Variants in ADAMTSL1 observed in about 807,000 individuals in gnomAD.
ADAMTSL1 encodes ADAMTS like 1, also known as ADAMTS-like protein 1.
ADAMTSL1 carries 126 observed loss-of-function variants against 201.8 expected under a neutral mutation model. The observed-to-expected ratio is 0.62, with a 90% CI of 0.54 to 0.72. The LOEUF (loss-of-function observed/expected upper bound fraction) is 0.72, where lower values mean the gene tolerates loss of function less well. Ranked by LOEUF, ADAMTSL1 falls within the 30% of genes least tolerant of loss-of-function variation. ADAMTSL1 has a pLI of 0.00. For synonymous variants in ADAMTSL1, 1,121 were observed against 903.4 expected, an observed-to-expected ratio of 1.24 and a Z score of -4.32; for missense variants, 2,679 against 2,277.8, an observed-to-expected ratio of 1.18 and a Z score of -3.59.
rs981515746 is a variant in ADAMTSL1, at chr9:18,210,603, A to T, written c.207+46622A>T. On this transcript the variant is annotated intron_variant, in intron 2 of 29. Coordinates refer to the ADAMTSL1 transcript ENST00000680146. ...AAAAATTATTAATATTCCTATGACAATAATCATTGCATATTCACCAAGATT... is the reference window on the plus strand; with the variant it reads ...AAAAATTATTAATATTCCTATGACATTAATCATTGCATATTCACCAAGATT... Among the ~76,000 whole-genome samples the T allele has an allele frequency of 3.3e-5, 5 of 151,000 alleles. No individual in the cohort carries two copies. The East Asian group carries it at 7.7e-4, about 23-fold the overall frequency.
chr9:18,713,529 A>C (rs1230178813), intron 14 of ADAMTSL1, among the ~76,000 whole-genome samples: 3 of 152,022 alleles, frequency 2.0e-5, no homozygotes, highest in African/African-American at 4.8e-5. Context: ...TAAAGGGATC[A>C]ATTCAACAAG....
chr9:18,162,646 C>A (rs565917267), intron 1 of ADAMTSL1, among the ~76,000 whole-genome samples: 3 of 151,672 alleles, frequency 2.0e-5, no homozygotes, highest in African/African-American at 4.8e-5. Context: ...AAAAGACATA[C>A]GGTTTAAAAT....
chr9:18,906,794 G>A lies in ADAMTSL1; in HGVS notation c.5064G>A (p.Gln1688=). 1 of 1,614,032 alleles carries A rather than the reference G, an allele frequency of 6.2e-7. No individual in the cohort carries two copies. Among genetic ancestry groups the A allele is most frequent in the African/African-American group, 1.3e-5 (1 of 75,054 alleles). The change falls in exon 28 of 29, where the codon CAG becomes CAA. Residue 1688 remains glutamine (Q), a synonymous_variant. Transcript: ENST00000380548. ...CTATCGNYGF[Q]SRRVECVHAR... Reference sequence around the variant, plus strand: ...CTACCTGTGGCAACTACGGCTTCCAGTCCCGGCGTGTGGAGTGTGTGCATG... The same window carrying A: ...CTACCTGTGGCAACTACGGCTTCCAATCCCGGCGTGTGGAGTGTGTGCATG...
At chr9:17,934,230 T>C (rs1251356670) in intron 1 of ADAMTSL1, among the ~76,000 whole-genome samples, 1 of 152,118 alleles carries the variant, frequency 6.6e-6, no homozygotes, top group African/African-American at 2.4e-5. Flanking sequence ...AACAATAAGG[T>C]AATTCCCCCA....
chr9:18,010,089 G>A (rs1040147960), intron 1 of ADAMTSL1, among the ~76,000 whole-genome samples: 3 of 151,934 alleles, frequency 2.0e-5, no homozygotes, highest in Non-Finnish European at 4.4e-5. Flanking sequence ...TTACCCATGG[G>A]GGCAGTCTAG....
At chr9:18,099,355 AT>A (rs397893715) in intron 1 of ADAMTSL1, among the ~76,000 whole-genome samples, 2,198 of 45,344 alleles carry the variant, frequency 0.048, 102 homozygotes, top group Middle Eastern at 0.15. Context: ...ATATATATAT[AT>A]TTTTTTTTTT....
At chr9:18,410,573 G>A (rs1311830577) in intron 2 of ADAMTSL1, among the ~76,000 whole-genome samples, 2 of 152,112 alleles carry the variant, frequency 1.3e-5, no homozygotes, top group Admixed American at 6.5e-5. Flanking sequence ...TTTTATGGCT[G>A]CATAGTATTA....
intron 15 of ADAMTSL1, among the ~76,000 whole-genome samples, chr9:18,751,651 C>G (rs965784214): frequency 6.6e-6 from 1 of 152,182 alleles, no homozygotes; most frequent in Non-Finnish European, 1.5e-5. Context: ...GGCCCTACAT[C>G]AGGAGGTATA....
chr9:18,063,018 A>G (rs1016861069), intron 1 of ADAMTSL1, among the ~76,000 whole-genome samples: 1 of 152,272 alleles, frequency 6.6e-6, no homozygotes, highest in East Asian at 1.9e-4. Context: ...TTCCTATTCC[A>G]TAAGTTTTCA....
chr9:18,106,059 G>A (rs1349007463), intron 1 of ADAMTSL1, among the ~76,000 whole-genome samples: 9 of 152,200 alleles, frequency 5.9e-5, no homozygotes, highest in East Asian at 3.9e-4. Flanking sequence ...ACCTCCTTTC[G>A]TCCCTGGGAG....
chr9:18,499,817 C>T (rs999663369), intron 1 of ADAMTSL1, among the ~76,000 whole-genome samples: 4 of 152,224 alleles, frequency 2.6e-5, no homozygotes, highest in Admixed American at 2.6e-4. Flanking sequence ...TTCTCTTATA[C>T]TATAACTTCA....
intron 2 of ADAMTSL1, among the ~76,000 whole-genome samples, chr9:18,290,793 T>TTTG (rs1833226514): frequency 6.6e-6 from 1 of 150,406 alleles, no homozygotes; most frequent in African/African-American, 2.5e-5. Flanking sequence ...TTTTTTTTTT[T>TTTG]TTTTTTGAGG....
chr9:18,316,673 G>A (rs887386772), intron 2 of ADAMTSL1, among the ~76,000 whole-genome samples: 2 of 152,016 alleles, frequency 1.3e-5, no homozygotes, highest in East Asian at 1.9e-4. Flanking sequence ...CACACATGCT[G>A]TACAATTTAT....
intron 2 of ADAMTSL1, among the ~76,000 whole-genome samples, chr9:18,226,716 G>T (rs998631291): frequency 2.0e-5 from 3 of 151,938 alleles, no homozygotes; most frequent in African/African-American, 7.3e-5. Flanking sequence ...TATTCCATTT[G>T]GTCATGGGGC....
intron 1 of ADAMTSL1, among the ~76,000 whole-genome samples, chr9:17,936,177 T>C (rs768669788): frequency 6.6e-6 from 1 of 152,234 alleles, no homozygotes; most frequent in Non-Finnish European, 1.5e-5. Flanking sequence ...TTATTCTAAG[T>C]GTAATTTCCT....
chr9:18,706,374 C>G (rs1480298736), intron 13 of ADAMTSL1, among the ~76,000 whole-genome samples: 1 of 152,120 alleles, frequency 6.6e-6, no homozygotes, highest in Non-Finnish European at 1.5e-5. Flanking sequence ...TTTCCAGCAT[C>G]CTATTTTATT....
chr9:18,493,787 A>C (rs543013185), intron 1 of ADAMTSL1, among the ~76,000 whole-genome samples: 140 of 152,290 alleles, frequency 9.2e-4, no homozygotes, highest in Middle Eastern at 6.8e-3. Flanking sequence ...TATGGACAAG[A>C]GTGAAAGCTG....
rs1331777239 is a variant in ADAMTSL1 at position 18,163,849 on chromosome 9, C to T, written c.88-13C>T. ...CTGTCTGAAGGCTTAATTCAGCTACCTTATCTCTCTAGGTATGCGGAGACC... is the reference window on the plus strand; with the variant it reads ...CTGTCTGAAGGCTTAATTCAGCTACTTTATCTCTCTAGGTATGCGGAGACC... On this transcript the variant is annotated splice_polypyrimidine_tract_variant and intron_variant, in intron 1 of 29. Coordinates refer to the ADAMTSL1 transcript ENST00000680146. 2.0e-5 allele frequency: 3 copies of T among 152,004 alleles called. No homozygotes were observed. In the South Asian group the frequency reaches 6.2e-4, roughly 31 times the overall value. The allele number at this position is 152,004 out of a possible 1,614,324, so 9.4% of individuals were successfully genotyped here. A position where few individuals can be genotyped will look rare whatever the true frequency, so the allele number is the denominator to read the frequency against.
rs1382827644 is a variant in ADAMTSL1 at position 18,805,753 on chromosome 9, G to A, written c.3805+10229G>A. Among the ~76,000 whole-genome samples the A allele has an allele frequency of 7.9e-5, 12 of 152,072 alleles. No individual in the cohort carries two copies. The East Asian group carries it at 9.6e-4, about 12-fold the overall frequency. The stretch of plus-strand genomic sequence containing the variant: ...TCTTCAGCCCTTATGAATGTAACTC[G>A]GAATCCGTATCTGCACAGTACTCCA... On this transcript the variant is annotated intron_variant, in intron 20 of 28. Coordinates refer to ENST00000380548, the MANE Select transcript of ADAMTSL1 (RefSeq NM_001040272.6).
Sources: allele counts gnomAD v4.1 joint callset (sites outside exome capture counted in the v4.1 genomes callset), GRCh38; gene constraint gnomAD v4.1.1; transcripts MANE v1.5; gene names NCBI Gene and HGNC (gene_info 2026-07-23, HGNC 2026-07-21).